Variants in EIF3A observed in about 807,000 individuals in gnomAD.
EIF3A encodes eukaryotic translation initiation factor 3 subunit A, also known as EIF3, p180 subunit.
In EIF3A, 21 loss-of-function variants were observed where a neutral mutation model predicts 186.6. The observed-to-expected ratio is 0.11, with a 90% CI of 0.08 to 0.16. The LOEUF (loss-of-function observed/expected upper bound fraction) is 0.16. Ranked by LOEUF, EIF3A falls within the 10% of genes least tolerant of loss-of-function variation. The pLI is 1.00. For synonymous variants in EIF3A, 563 were observed against 584.3 expected (o/e 0.96, Z 0.52); for missense variants, 1,306 against 1,796.3 (o/e 0.73, Z 4.93).
chr10:119,052,461 A>G (rs1232653808), intron 14 of EIF3A, among the ~76,000 whole-genome samples: 1 of 148,830 alleles, frequency 6.7e-6, no homozygotes, highest in East Asian at 2.0e-4. Flanking sequence ...ATCTCAGCTC[A>G]CTGCAACCTC....
intron 8 of EIF3A, 82 bp from the exon 9 acceptor site, chr10:119,060,926 T>C (rs890747432): frequency 1.1e-6 from 1 of 943,086 alleles, no homozygotes; most frequent in South Asian, 1.6e-5. Context: ...TTTTTTTTAA[T>C]ATACAAAAAC....
At chr10:119,036,501 A>C (rs1848131903) in intron 21 of EIF3A, among the ~76,000 whole-genome samples, 1 of 152,222 alleles carries the variant, frequency 6.6e-6, no homozygotes, top group African/African-American at 2.4e-5. Context: ...AAACAGGCAG[A>C]AACCACTAGC....
chr10:119,039,744 T>C (rs887756544), intron 19 of EIF3A, among the ~76,000 whole-genome samples: 2 of 152,196 alleles, frequency 1.3e-5, no homozygotes, highest in Non-Finnish European at 2.9e-5. Flanking sequence ...AGAAAATACA[T>C]GTATTAGATA....
In EIF3A at chr10:119,069,613, G is replaced by A. The variant is rs1215045692; in HGVS notation, c.783C>T (p.Ser261=). 3 of 1,598,796 alleles carry A rather than the reference G, an allele frequency of 1.9e-6. No homozygotes were observed. The highest frequency in any genetic ancestry group is 2.6e-6 in the Non-Finnish European group (3 of 1,166,300). ...GAGGTTTAGGTGGTTTTTTAGACAAGGAGAATAGCCCGTGAATATCTTCCA... is the reference window on the plus strand; with the variant it reads ...GAGGTTTAGGTGGTTTTTTAGACAAAGAGAATAGCCCGTGAATATCTTCCA... ...KAVEDIHGLF[S]LSKKPPKPQL... is the part of the protein sequence containing the mutation. The change falls in exon 6 of 22, where the codon TCC becomes TCT. Residue 261 remains serine (S), a synonymous_variant. Coordinates refer to ENST00000369144, the MANE Select transcript of EIF3A (RefSeq NM_003750.4).
chr10:119,055,461 G>C (rs116995439), intron 14 of EIF3A, among the ~76,000 whole-genome samples: 1 of 152,196 alleles, frequency 6.6e-6, no homozygotes, highest in African/African-American at 2.4e-5. Flanking sequence ...ACCAAAATGT[G>C]ACAGAGACAT....
intron 6 of EIF3A, among the ~76,000 whole-genome samples, chr10:119,067,922 G>A (rs766097895): frequency 5.9e-5 from 9 of 151,696 alleles, no homozygotes; most frequent in East Asian, 3.9e-4. Flanking sequence ...GCCATTCTCC[G>A]GCCTCAGCCT....
intron 9 of EIF3A, chr10:119,060,009 A>T (rs1564755424): frequency 5.8e-6 from 3 of 515,246 alleles, no homozygotes; most frequent in Non-Finnish European, 1.1e-5. Flanking sequence ...TTCTTATAGA[A>T]TTTTTGTCTG....
At chr10:119,050,863 A>G (rs1312519470) in intron 15 of EIF3A, among the ~76,000 whole-genome samples, 189 bp from the exon 16 acceptor site, 2 of 152,234 alleles carry the variant, frequency 1.3e-5, no homozygotes, top group African/African-American at 4.8e-5. Flanking sequence ...AAAACATTTA[A>G]ATTGTTGATA....
chr10:119,074,034 C>A, intron 1 of EIF3A, 97 bp from the exon 2 acceptor site: 1 of 1,047,368 alleles, frequency 9.5e-7, no homozygotes, highest in South Asian at 2.2e-5. Context: ...CAACTCATTA[C>A]CAACTTTTTA....
At chr10:119,066,196 A>G (rs1370520187) in intron 6 of EIF3A, among the ~76,000 whole-genome samples, 1 of 150,608 alleles carries the variant, frequency 6.6e-6, no homozygotes, top group Admixed American at 6.6e-5. Flanking sequence ...CTTCCTTACA[A>G]AATTAAGGCA....
At chr10:119,080,588 CG>C (rs1564764338) in intron 1 of EIF3A, 39 bp downstream of exon 1, 1 of 1,558,778 alleles carries the variant, frequency 6.4e-7, no homozygotes, top group South Asian at 1.2e-5. Context: ...TCGGAGGCCT[CG>C]GGCCGCCCCA....
Position 119,036,283 on chromosome 10 carries a change from T to TA in EIF3A, c.3920-16dup, listed in dbSNP as rs753067805. The TA allele has an allele frequency of 0.016, 19,965 of 1,226,382 alleles. 39 individuals carry two copies. Among genetic ancestry groups the TA allele is most frequent in the African/African-American group, 0.047 (2,981 of 63,560 alleles). The allele number at this position is 1,226,382 out of a possible 1,614,324, so 76.0% of individuals were successfully genotyped here. A position where few individuals can be genotyped will look rare whatever the true frequency, so the allele number is the denominator to read the frequency against. ...CCAAGAACTTACTAAAAAGTTTAAT[T>TA]AAAAAAAAAAAATTAAGTTAGTACT... On this transcript the variant is annotated splice_polypyrimidine_tract_variant and intron_variant, in intron 21 of 21. Coordinates refer to ENST00000369144, the MANE Select transcript of EIF3A (RefSeq NM_003750.4).
chr10:119,037,531 T>C (rs988786153), intron 20 of EIF3A, among the ~76,000 whole-genome samples: 1 of 152,204 alleles, frequency 6.6e-6, no homozygotes, highest in African/African-American at 2.4e-5. Context: ...GTTACTTACA[T>C]TTAAAGTAAA....
At chr10:119,066,880 C>T (rs1214234822) in intron 6 of EIF3A, among the ~76,000 whole-genome samples, 1 of 152,142 alleles carries the variant, frequency 6.6e-6, no homozygotes, top group Non-Finnish European at 1.5e-5. Flanking sequence ...TCTCTGAAGG[C>T]AAGCTTATGT....
At chr10:119,072,167 A>G (rs1844084957) in intron 4 of EIF3A, among the ~76,000 whole-genome samples, 1 of 150,992 alleles carries the variant, frequency 6.6e-6, no homozygotes, top group African/African-American at 2.4e-5. Flanking sequence ...CTGAGCAACA[A>G]TGCAAGATCC....
intron 1 of EIF3A, among the ~76,000 whole-genome samples, chr10:119,075,651 C>CATATATATATATAT (rs5788328): frequency 2.3e-4 from 22 of 97,098 alleles, no homozygotes; most frequent in African/African-American, 8.1e-4. Context: ...TATATATATA[C>CATATATATATATAT]ATATATATAT....
At chr10:119,047,556 G>A (rs950772610) in intron 17 of EIF3A, among the ~76,000 whole-genome samples, 1 of 152,072 alleles carries the variant, frequency 6.6e-6, no homozygotes, top group Admixed American at 6.6e-5. Context: ...TAAAAGAAAA[G>A]GATAATCTCA....
At position 119,056,813 on chromosome 10, in the gene EIF3A, G is replaced by T; in HGVS notation, c.2123C>A (p.Pro708His). ...TTCCTCGTAAGCGCTCTTTATCAAAGGAATTTCTTCCAAACGTTTGGCTCT... is the reference window on the plus strand; with the variant it reads ...TTCCTCGTAAGCGCTCTTTATCAAATGAATTTCTTCCAAACGTTTGGCTCT... Reference protein sequence around the residue: ...FERAKRLEEIPLIKSAYEEQR... With the variant: ...FERAKRLEEIHLIKSAYEEQR... The change falls in exon 14 of 22, where the codon CCT becomes CAT. Residue 708 changes from proline to histidine, a missense_variant. By Grantham distance (77) the Pro-to-His change is moderately conservative (BLOSUM62 -2). This residue lies in a region of EIF3A where 94 missense variants were observed against 204.9 expected (regional missense o/e 0.46). Coordinates refer to ENST00000369144, the MANE Select transcript of EIF3A (RefSeq NM_003750.4). 1 of 1,613,716 alleles carries T rather than the reference G, an allele frequency of 6.2e-7. No homozygotes were observed. Among genetic ancestry groups the T allele is most frequent in the Middle Eastern group, 1.7e-4 (1 of 6,056 alleles).
At chr10:119,078,324 T>C (rs1413891243) in intron 1 of EIF3A, among the ~76,000 whole-genome samples, 3 of 152,174 alleles carry the variant, frequency 2.0e-5, no homozygotes, top group East Asian at 3.8e-4. Context: ...GAATGACTAC[T>C]ATAATTTTTC....
Sources: gnomAD v4.1 joint callset for allele counts (sites outside exome capture counted in the v4.1 genomes callset) on GRCh38, gnomAD v4.1.1 for gene constraint, gnomAD v4.1.1 regional missense constraint, MANE v1.5 for transcripts, NCBI Gene and HGNC (gene_info 2026-07-23, HGNC 2026-07-21) for gene names.